Variants in MAMLD1 observed in about 807,000 individuals in gnomAD.
The protein encoded by MAMLD1 is mastermind like domain containing 1, also known as mastermind-like domain-containing protein 1.
MAMLD1 carries 14 observed loss-of-function variants against 45.0 expected under a neutral mutation model. That is an observed-to-expected ratio of 0.31 (90% CI 0.21 to 0.49). The LOEUF is 0.49. MAMLD1 is among the 20% of genes least tolerant of loss of function. The pLI is 0.99. For synonymous variants in MAMLD1, 254 were observed against 247.8 expected (o/e 1.02, Z -0.24); for missense variants, 543 against 603.6 (o/e 0.90, Z 1.05).
At chrX:150,402,787 C>T (rs801221) in intron 1 of MAMLD1, among the ~76,000 whole-genome samples, 22 of 111,210 alleles carry the variant, frequency 2.0e-4, no homozygotes, top group African/African-American at 3.6e-4. Flanking sequence ...ATGGATGAAA[C>T]TGGAAATCAT....
chrX:150,511,871 G>A (rs1260100892), intron 7 of MAMLD1, 133 bp from the exon 8 acceptor site: 9 of 470,629 alleles, frequency 1.9e-5, no homozygotes, highest in African/African-American at 2.5e-5. Flanking sequence ...TGGGGAGCAG[G>A]GGGGAGCTCA....
chrX:150,480,753 G>A (rs1175481025), intron 5 of MAMLD1, among the ~76,000 whole-genome samples: 1 of 112,289 alleles, frequency 8.9e-6, no homozygotes, highest in Non-Finnish European at 1.9e-5. Context: ...TTGGAGCTAG[G>A]TGCACAGGAA....
Position 150,469,897 on chromosome X carries a change from G to A in MAMLD1, c.324G>A (p.Leu108=), listed in dbSNP as rs1557406237. The change falls in exon 4 of 8, where the codon CTG becomes CTA. Residue 108 remains leucine (L), a synonymous_variant. Coordinates refer to ENST00000370401, the MANE Select transcript of MAMLD1 (RefSeq NM_005491.5). ...ATCCTAGTACTGCTTGTGCAGAACT[G>A]CAGGTCCCTCCATTGACAATAAATC... is the stretch of plus-strand genomic sequence containing the variant. ...GAHPSTACAE[L]QVPPLTINPS... is the part of the protein sequence containing the mutation. The A allele has an allele frequency of 8.3e-7, 1 of 1,211,865 alleles. No individual in the cohort carries two copies. The highest frequency in any genetic ancestry group is 1.8e-5 in the South Asian group (1 of 56,990).
At chrX:150,390,492 T>A (rs1314536058) in intron 1 of MAMLD1, among the ~76,000 whole-genome samples, 5 of 112,507 alleles carry the variant, frequency 4.4e-5, no homozygotes, top group Non-Finnish European at 9.4e-5. Context: ...TAGCATTTAC[T>A]CTAGATATTA....
At chrX:150,459,363 C>T (rs782369975) in intron 2 of MAMLD1, among the ~76,000 whole-genome samples, 1 of 111,588 alleles carries the variant, frequency 9.0e-6, no homozygotes, top group South Asian at 3.8e-4. Flanking sequence ...CTTGTTATTT[C>T]CTCTGCTTGT....
At position 150,408,258 on chromosome X, in the gene MAMLD1, T is replaced by A. The variant is rs2034044558; in HGVS notation, c.-63-37196T>A. Among the ~76,000 whole-genome samples the A allele has an allele frequency of 3.6e-5, 4 of 111,197 alleles. No homozygotes were observed. In the East Asian group the frequency reaches 1.1e-3, roughly 32 times the overall value. ...GACTGGGGCGCCGCTCTTATCAAAA[T>A]GATGGTGAGGCCACCTGTACTATAT... On this transcript the variant is annotated intron_variant, in intron 1 of 7. Coordinates refer to ENST00000370401, the MANE Select transcript of MAMLD1 (RefSeq NM_005491.5).
chrX:150,424,222 C>T (rs1187244546), intron 1 of MAMLD1, among the ~76,000 whole-genome samples: 3 of 112,689 alleles, frequency 2.7e-5, no homozygotes, highest in Admixed American at 9.4e-5. Context: ...CTCCTTCAAG[C>T]AGGGTCCTGC....
chrX:150,404,992 T>C (rs1320988228), intron 1 of MAMLD1, among the ~76,000 whole-genome samples: 2 of 112,643 alleles, frequency 1.8e-5, no homozygotes, highest in Admixed American at 9.4e-5. Flanking sequence ...AACGTAGCTA[T>C]ACAGGTGTTT....
chrX:150,479,966 G>C (rs868908371), intron 5 of MAMLD1, among the ~76,000 whole-genome samples: 1 of 111,366 alleles, frequency 9.0e-6, no homozygotes, highest in Non-Finnish European at 1.9e-5. Context: ...AATCAAAGAC[G>C]TGACCCTTCC....
intron 1 of MAMLD1, among the ~76,000 whole-genome samples, chrX:150,383,409 G>C (rs1342611277): frequency 1.8e-5 from 2 of 111,237 alleles, no homozygotes; most frequent in Non-Finnish European, 3.8e-5. Flanking sequence ...AAATCTCATT[G>C]TGCTCCTCTT....
At chrX:150,390,889 A>G (rs1395026881) in intron 1 of MAMLD1, among the ~76,000 whole-genome samples, 1 of 112,142 alleles carries the variant, frequency 8.9e-6, no homozygotes, top group Non-Finnish European at 1.9e-5. Flanking sequence ...TTCATCTGAA[A>G]ATACCTTTAT....
At chrX:150,451,016 T>G (rs2035647248) in intron 2 of MAMLD1, among the ~76,000 whole-genome samples, 1 of 112,813 alleles carries the variant, frequency 8.9e-6, no homozygotes, top group African/African-American at 3.2e-5. Context: ...ACACAGACCT[T>G]TTTTTGCAAG....
Position 150,363,410 on chromosome X carries a change from C to T in MAMLD1, c.-184C>T, listed in dbSNP as rs1476535207. ...CGGGCGCGGGGGCACCGGCCGCTAG[C>T]CAGGGGGTGATCTGCAACAGGGCTG... On this transcript the variant is annotated 5_prime_UTR_variant, in exon 1 of 8. Transcript: ENST00000370401. 1 of 109,794 alleles carries T rather than the reference C, an allele frequency of 9.1e-6. No individual in the cohort carries two copies. Among genetic ancestry groups the T allele is most frequent in the African/African-American group, 3.3e-5 (1 of 30,081 alleles). The allele number at this position is 109,794 out of a possible 1,213,427, so 9.0% of individuals were successfully genotyped here.
rs782417464 is a variant in MAMLD1 at position 150,382,005 on chromosome X, C to A, written c.-64+18475C>A. Reference sequence around the variant, plus strand: ...TATCTTTCCCTCCTTTTAATAGGTTCTTTCACAAAAAGACTATTTTGGGGG... The same window carrying A: ...TATCTTTCCCTCCTTTTAATAGGTTATTTCACAAAAAGACTATTTTGGGGG... On this transcript the variant is annotated intron_variant, in intron 1 of 7. Coordinates refer to ENST00000370401, the MANE Select transcript of MAMLD1 (RefSeq NM_005491.5). Among the ~76,000 whole-genome samples, 4 of 110,657 alleles carry A rather than the reference C, an allele frequency of 3.6e-5. No individual in the cohort carries two copies. In the South Asian group the frequency reaches 1.5e-3, roughly 42 times the overall value.
intron 1 of MAMLD1, among the ~76,000 whole-genome samples, chrX:150,381,094 T>C (rs1415287224): frequency 9.0e-6 from 1 of 111,191 alleles, no homozygotes. Flanking sequence ...ACCATTATTA[T>C]ATATTCAGTC....
intron 2 of MAMLD1, among the ~76,000 whole-genome samples, chrX:150,450,156 G>A (rs1449941176): frequency 8.9e-6 from 1 of 112,054 alleles, no homozygotes; most frequent in African/African-American, 3.2e-5. Flanking sequence ...CCCATAAACA[G>A]GTAAAGAGTA....
chrX:150,507,683 G>A lies in MAMLD1; in HGVS notation c.2285-2279G>A, dbSNP rs143119352. Among the ~76,000 whole-genome samples, 79 of 112,266 alleles carry A rather than the reference G, an allele frequency of 7.0e-4. 1 individual carries two copies. In the East Asian group the frequency reaches 0.021, roughly 30 times the overall value. Reference sequence around the variant, plus strand: ...CTGGCCAGCTTTTCCATTAGACTCCGGGGTCCTCTGGAATGTGTGCTTCCC... The same window carrying A: ...CTGGCCAGCTTTTCCATTAGACTCCAGGGTCCTCTGGAATGTGTGCTTCCC... On this transcript the variant is annotated intron_variant, in intron 6 of 7. Transcript: ENST00000370401.
chrX:150,412,518 T>G (rs894681273), intron 1 of MAMLD1, among the ~76,000 whole-genome samples: 15 of 110,784 alleles, frequency 1.4e-4, no homozygotes, highest in Non-Finnish European at 1.9e-4. Context: ...CTTCCACTGG[T>G]CCAGCCATAC....
intron 1 of MAMLD1, among the ~76,000 whole-genome samples, chrX:150,383,766 A>G (rs1308357372): frequency 9.0e-6 from 1 of 110,594 alleles, no homozygotes; most frequent in African/African-American, 3.3e-5. Flanking sequence ...ATCCTCAATT[A>G]CCCCCTGCCC....
Sources: allele counts gnomAD v4.1 joint callset (sites outside exome capture counted in the v4.1 genomes callset), GRCh38; gene constraint gnomAD v4.1.1; transcripts MANE v1.5; gene names NCBI Gene and HGNC (gene_info 2026-07-23, HGNC 2026-07-21).